The following CLVS1 variants were observed in gnomAD, a reference collection of about 807,000 sequenced individuals.
CLVS1 encodes clavesin-1.
Under a neutral mutation model 33.1 loss-of-function variants are expected in CLVS1, and 10 were observed. That is an observed-to-expected ratio of 0.30 (90% CI 0.19 to 0.51). The LOEUF (loss-of-function observed/expected upper bound fraction) is 0.51. Among genes scored for constraint, CLVS1 ranks in the 20% least tolerant of loss-of-function variants. The probability of loss-of-function intolerance (pLI) is 0.97; values close to 1 mark genes in which losing one functional copy is unlikely to be tolerated. For missense variants in CLVS1, 343 were observed against 433.4 expected (o/e 0.79, Z 1.85); for synonymous variants, 163 against 166.1 (o/e 0.98, Z 0.14).
chr8:61,300,043 T>A lies in CLVS1; in HGVS notation c.216T>A (p.Asp72Glu), dbSNP rs1810373712. 7 of 1,614,066 alleles carry A rather than the reference T, an allele frequency of 4.3e-6. No individual in the cohort carries two copies. Among genetic ancestry groups the A allele is most frequent in the Non-Finnish European group, 5.9e-6 (7 of 1,179,984 alleles). ...CTGACATTGGATTTTTACGTACAGA[T>A]GATGCCTTCATCCTGAGATTTCTCC... is the stretch of plus-strand genomic sequence containing the variant. Reference protein sequence around the residue: ...TRPDIGFLRTDDAFILRFLRA... With the variant: ...TRPDIGFLRTEDAFILRFLRA... The change falls in exon 2 of 6, where the codon GAT becomes GAA. Residue 72 changes from aspartate to glutamate, a missense_variant. This residue lies in a region of CLVS1 where 166 missense variants were observed against 244.0 expected (regional missense o/e 0.68). Coordinates refer to ENST00000325897, the MANE Select transcript of CLVS1 (RefSeq NM_173519.3).
intron 2 of CLVS1, among the ~76,000 whole-genome samples, chr8:61,193,053 A>G (rs1585678008): frequency 6.6e-6 from 1 of 152,192 alleles, no homozygotes; most frequent in Non-Finnish European, 1.5e-5. Flanking sequence ...TCATGCTGCT[A>G]TAAAGACACA....
chr8:61,174,822 A>G (rs187221511), intron 2 of CLVS1, among the ~76,000 whole-genome samples: 31 of 91,372 alleles, frequency 3.4e-4, no homozygotes, highest in African/African-American at 1.4e-3. Context: ...TGACATGGTG[A>G]AATGTATTGA....
chr8:61,411,648 C>G (rs1302666153), intron 3 of CLVS1, among the ~76,000 whole-genome samples: 1 of 152,176 alleles, frequency 6.6e-6, no homozygotes, highest in Admixed American at 6.5e-5. Flanking sequence ...GAGGGATAGT[C>G]CTGTCACATT....
intron 5 of CLVS1, among the ~76,000 whole-genome samples, chr8:61,468,277 A>G (rs1401374023): frequency 6.6e-6 from 1 of 152,204 alleles, no homozygotes; most frequent in Non-Finnish European, 1.5e-5. Context: ...CACGTAGCAT[A>G]TGTTCCTTAC....
chr8:60,974,421 T>C, the CLVS1 span, among the ~76,000 whole-genome samples: 2 of 152,196 alleles, frequency 1.3e-5, no homozygotes, highest in African/African-American at 4.8e-5. Flanking sequence ...ACTTCCTTTG[T>C]GAGTATTGAA....
At chr8:61,081,635 A>G (rs565518893) in intron 1 of CLVS1, among the ~76,000 whole-genome samples, 23 of 152,340 alleles carry the variant, frequency 1.5e-4, no homozygotes, top group Admixed American at 6.5e-4. Context: ...TATAAACAGA[A>G]TAAAGAACTT....
At chr8:61,098,092 T>C (rs964311575) in intron 1 of CLVS1, among the ~76,000 whole-genome samples, 1 of 152,050 alleles carries the variant, frequency 6.6e-6, no homozygotes, top group East Asian at 1.9e-4. Flanking sequence ...CCCAGGAGTA[T>C]GAGGCTGCAG....
chr8:61,086,035 CAAAAAAAAAAAAAAAAAAAA>C (rs4033854), intron 1 of CLVS1, among the ~76,000 whole-genome samples: 10 of 31,246 alleles, frequency 3.2e-4, no homozygotes, highest in African/African-American at 5.8e-4. Context: ...GACTCCCTCT[CAAAAAAAAAAAAAAAAAAAA>C]AAAAAAAAAA....
chr8:61,336,471 G>C (rs895671500), intron 2 of CLVS1, among the ~76,000 whole-genome samples: 5 of 152,128 alleles, frequency 3.3e-5, no homozygotes, highest in Non-Finnish European at 2.9e-5. Flanking sequence ...CCTGCACAAA[G>C]GGTCCTCACC....
intron 1 of CLVS1, among the ~76,000 whole-genome samples, chr8:61,105,474 C>T (rs932810103): frequency 2.0e-5 from 3 of 152,036 alleles, no homozygotes. Flanking sequence ...TACTTAAAAC[C>T]CCGGTGAGGT....
intron 2 of CLVS1, among the ~76,000 whole-genome samples, chr8:61,146,123 C>T (rs1030878947): frequency 1.3e-5 from 2 of 152,132 alleles, no homozygotes; most frequent in African/African-American, 2.4e-5. Flanking sequence ...TCACCATCAA[C>T]ATCAGTTCCA....
intron 3 of CLVS1, among the ~76,000 whole-genome samples, chr8:61,389,195 A>G (rs1408084075): frequency 6.6e-6 from 1 of 152,192 alleles, no homozygotes; most frequent in East Asian, 1.9e-4. Context: ...AGAAGTCTCA[A>G]TGAAGAATTT....
chr8:60,971,071 C>CTTT, the CLVS1 span, among the ~76,000 whole-genome samples: 53 of 91,070 alleles, frequency 5.8e-4, no homozygotes, highest in Non-Finnish European at 5.0e-4. Context: ...ATGACTTTTC[C>CTTT]TTTTTTTTTT....
At chr8:61,348,061 T>C (rs910861231) in intron 2 of CLVS1, among the ~76,000 whole-genome samples, 1 of 152,004 alleles carries the variant, frequency 6.6e-6, no homozygotes, top group African/African-American at 2.4e-5. Context: ...CTCCTGACTT[T>C]ATTATTCCTA....
rs1221379253 is a variant in CLVS1, at chr8:61,499,440, C to T, written c.978-15C>T. On this transcript the variant is annotated splice_polypyrimidine_tract_variant and intron_variant, in intron 5 of 5. Coordinates refer to ENST00000325897, the MANE Select transcript of CLVS1 (RefSeq NM_173519.3). ...ATTGTTTGTAATTCTGTCTTTTTCC[C>T]TCCCCTCTTGTTAGATCTCAGTCTG... is the stretch of plus-strand genomic sequence containing the variant. 2 of 1,586,694 alleles carry T rather than the reference C, an allele frequency of 1.3e-6. No individual in the cohort carries two copies. The highest frequency in any genetic ancestry group is 1.7e-6 in the Non-Finnish European group (2 of 1,155,596).
At chr8:61,282,639 T>C in intron 2 of CLVS1, among the ~76,000 whole-genome samples, 1 of 152,244 alleles carries the variant, frequency 6.6e-6, no homozygotes, top group East Asian at 1.9e-4. Context: ...TGTTAATTGC[T>C]GTGAGGATTC....
At chr8:61,318,731 C>T (rs924866192) in intron 2 of CLVS1, among the ~76,000 whole-genome samples, 1 of 152,092 alleles carries the variant, frequency 6.6e-6, no homozygotes, top group Non-Finnish European at 1.5e-5. Flanking sequence ...TTCTGTACTC[C>T]AGTTCCCTAA....
At chr8:60,969,644 G>T in the CLVS1 span, among the ~76,000 whole-genome samples, 2 of 152,044 alleles carry the variant, frequency 1.3e-5, no homozygotes, top group Non-Finnish European at 2.9e-5. Context: ...AGGGGCGGGG[G>T]CTGTTAGGAT....
At chr8:61,079,430 A>G (rs959169099) in intron 1 of CLVS1, among the ~76,000 whole-genome samples, 12 of 152,190 alleles carry the variant, frequency 7.9e-5, no homozygotes, top group African/African-American at 1.9e-4. Flanking sequence ...GAAGTTATTG[A>G]TATTTCCTAA....
Sources: allele counts gnomAD v4.1 joint callset (sites outside exome capture counted in the v4.1 genomes callset), GRCh38; gene constraint gnomAD v4.1.1; regional missense constraint gnomAD v4.1.1; transcripts MANE v1.5; gene names NCBI Gene and HGNC (gene_info 2026-07-23, HGNC 2026-07-21).